FRK: variants seen among roughly 807,000 people sequenced by gnomAD.
FRK encodes the protein fyn related Src family tyrosine kinase.
A neutral mutation model predicts 56.4 loss-of-function variants in FRK; 51 were observed. The observed-to-expected ratio is 0.90, with a 90% CI of 0.72 to 1.14. FRK has a LOEUF of 1.14. Among genes scored for constraint, FRK ranks in the 50% most tolerant of loss-of-function variants. The pLI, the probability that FRK is intolerant of heterozygous loss-of-function variation, is 0.00. For synonymous variants in FRK, 245 were observed against 217.9 expected (o/e 1.12, Z -1.10); for missense variants, 570 against 601.4 (o/e 0.95, Z 0.55).
intron 1 of FRK, among the ~76,000 whole-genome samples, chr6:116,047,706 CTGA>C (rs1471296160): frequency 1.3e-5 from 2 of 152,210 alleles, no homozygotes; most frequent in Non-Finnish European, 2.9e-5. Context: ...GCTCAGTCAG[CTGA>C]TGAGTCAGCT....
At chr6:116,077,354 A>G in the FRK span, among the ~76,000 whole-genome samples, 27,112 of 152,140 alleles carry the variant, frequency 0.18, 2,889 homozygotes, top group African/African-American at 0.29. Flanking sequence ...ATGCACCCTA[A>G]GACACCAGCC....
chr6:116,042,883 G>C (rs537082002), intron 1 of FRK, among the ~76,000 whole-genome samples: 47 of 152,166 alleles, frequency 3.1e-4, no homozygotes, highest in African/African-American at 1.1e-3. Flanking sequence ...ACAAAGGAAT[G>C]GGGGAATATT....
Position 115,969,218 on chromosome 6 carries a change from C to T in FRK, c.467-479G>A, listed in dbSNP as rs535212000. 3.3e-5 allele frequency among the ~76,000 whole-genome samples: 5 copies of T among 152,238 alleles called. No homozygotes were observed. The South Asian group carries it at 1.0e-3, about 32-fold the overall frequency. On this transcript the variant is annotated intron_variant, in intron 2 of 7. Coordinates refer to ENST00000606080, the MANE Select transcript of FRK (RefSeq NM_002031.3). ...TTGGAAATAAACAGTGTGCTCAATA[C>T]CGTCTTACAATAATGCATGAAATTC...
chr6:116,060,034 C>G lies in FRK; in HGVS notation c.278G>C (p.Ser93Thr), dbSNP rs1018936981. Residue 93 changes from serine to threonine, a missense_variant, in exon 1 of 8, where the codon AGT becomes ACT. By Grantham distance (58) the Ser-to-Thr change is moderately conservative. Transcript: ENST00000606080. ...RHLEKRRDGSSQQLQGYIPSN... is the reference protein window; with the variant it reads ...RHLEKRRDGSTQQLQGYIPSN... Reference sequence around the variant, plus strand: ...AGGAATATAGCCTTGTAGTTGCTGACTGGAGCCATCTCGTCTTTTCTCCAA... The same window carrying G: ...AGGAATATAGCCTTGTAGTTGCTGAGTGGAGCCATCTCGTCTTTTCTCCAA... 3.1e-6 allele frequency: 5 copies of G among 1,614,104 alleles called. No individual in the cohort carries two copies. The highest frequency in any genetic ancestry group is 3.3e-5 in the Admixed American group (2 of 60,008).
At chr6:115,956,953 G>A (rs1773021822) in intron 4 of FRK, among the ~76,000 whole-genome samples, 1 of 152,168 alleles carries the variant, frequency 6.6e-6, no homozygotes, top group Non-Finnish European at 1.5e-5. Context: ...ATGAACACGA[G>A]CGCTGAAGGT....
At chr6:115,987,073 G>A (rs1774424518) in intron 2 of FRK, among the ~76,000 whole-genome samples, 1 of 152,058 alleles carries the variant, frequency 6.6e-6, no homozygotes, top group East Asian at 1.9e-4. Context: ...GGCCATGGAT[G>A]CCAAGCTACA....
rs971278438 is a variant in FRK, at chr6:115,954,017, G to A, written c.958+2435C>T. On this transcript the variant is annotated intron_variant, in intron 5 of 7. Coordinates refer to ENST00000606080, the MANE Select transcript of FRK (RefSeq NM_002031.3). ...GCAAGGGAAGAGGAATACTTTAAGAGTCAGTAGAAAGAGATTAAATTTTAA... is the reference window on the plus strand; with the variant it reads ...GCAAGGGAAGAGGAATACTTTAAGAATCAGTAGAAAGAGATTAAATTTTAA... Among the ~76,000 whole-genome samples the A allele has an allele frequency of 3.9e-5, 6 of 152,180 alleles. No homozygotes were observed. The South Asian group carries it at 1.0e-3, about 26-fold the overall frequency.
intron 1 of FRK, among the ~76,000 whole-genome samples, chr6:116,005,653 C>G (rs1775220540): frequency 6.6e-6 from 1 of 152,042 alleles, no homozygotes; most frequent in Non-Finnish European, 1.5e-5. Context: ...GTAACTGAAA[C>G]CATGGAAGTC....
rs1262242910 is a variant in FRK at position 115,958,398 on chromosome 6, A to G, written c.800-1788T>C. ...TCCCAGAACTTTGGGAGGCCAAGGC[A>G]GGCGGATAACTTGAGGTCAGGAGTT... On this transcript the variant is annotated intron_variant, in intron 4 of 7. Coordinates refer to ENST00000606080, the MANE Select transcript of FRK (RefSeq NM_002031.3). Among the ~76,000 whole-genome samples the G allele has an allele frequency of 2.4e-4, 36 of 152,100 alleles. 1 individual carries two copies. Among genetic ancestry groups the G allele is most frequent in the Non-Finnish European group, 2.9e-5 (2 of 68,012 alleles).
At chr6:115,961,196 T>C (rs1296420908) in intron 4 of FRK, among the ~76,000 whole-genome samples, 726 of 82,060 alleles carry the variant, frequency 8.8e-3, no homozygotes, top group Non-Finnish European at 0.014. Flanking sequence ...AGAGAAGTGC[T>C]TAAAGGAGCT....
At chr6:116,036,884 T>C (rs1021167765) in intron 1 of FRK, among the ~76,000 whole-genome samples, 1 of 152,146 alleles carries the variant, frequency 6.6e-6, no homozygotes, top group African/African-American at 2.4e-5. Flanking sequence ...CTAATCCAAG[T>C]TCAATTATGT....
rs141764578 is a variant in FRK at position 115,994,741 on chromosome 6, G to C, written c.466+9136C>G. ...TTAAATTTAAATGAGAACATGAGGG[G>C]TGGAGCCTCCATAATGGGATTAATG... On this transcript the variant is annotated intron_variant, in intron 2 of 7. Coordinates refer to ENST00000606080, the MANE Select transcript of FRK (RefSeq NM_002031.3). Among the ~76,000 whole-genome samples, 383 of 152,174 alleles carry C rather than the reference G, an allele frequency of 2.5e-3. 2 individuals are homozygous for C. The highest frequency in any genetic ancestry group is 8.9e-3 in the African/African-American group (368 of 41,542).
chr6:116,023,863 T>A (rs1017265846), intron 1 of FRK, among the ~76,000 whole-genome samples: 8 of 152,188 alleles, frequency 5.3e-5, no homozygotes, highest in Non-Finnish European at 1.0e-4. Flanking sequence ...AAATCTGTTA[T>A]TTTACTGTGT....
chr6:116,004,206 A>G (rs1454926737), intron 1 of FRK, among the ~76,000 whole-genome samples: 3 of 152,182 alleles, frequency 2.0e-5, no homozygotes, highest in Non-Finnish European at 4.4e-5. Context: ...TTTTACCTAC[A>G]AAGCAGGAAT....
chr6:116,058,828 G>A lies in FRK; in HGVS notation c.344+1140C>T, dbSNP rs192469139. Among the ~76,000 whole-genome samples, 884 of 150,304 alleles carry A rather than the reference G, an allele frequency of 5.9e-3. 3 individuals are homozygous for A. The highest frequency in any genetic ancestry group is 9.0e-3 in the Non-Finnish European group (609 of 67,698). ...TGGAAGGCTGAGGCAGGAGAATGGC[G>A]TGAACCCGGGAGGCGGAGCTTGCAG... On this transcript the variant is annotated intron_variant, in intron 1 of 7. Transcript: ENST00000606080.
the FRK span, among the ~76,000 whole-genome samples, chr6:116,097,444 A>C: frequency 1.3e-5 from 2 of 152,204 alleles, no homozygotes; most frequent in Admixed American, 6.5e-5. Context: ...ATGAAAAAAG[A>C]AACAGGCCAT....
intron 2 of FRK, among the ~76,000 whole-genome samples, chr6:116,001,437 T>TG (rs1188815636): frequency 1.3e-5 from 2 of 152,178 alleles, no homozygotes; most frequent in Non-Finnish European, 2.9e-5. Flanking sequence ...GGATCCCAAG[T>TG]GGCTAACTGG....
chr6:116,074,188 A>T, the FRK span, among the ~76,000 whole-genome samples: 1 of 152,248 alleles, frequency 6.6e-6, no homozygotes, highest in Non-Finnish European at 1.5e-5. Context: ...TAATACTGTT[A>T]TATCCTAAAG....
chr6:116,099,523 A>G, the FRK span, among the ~76,000 whole-genome samples: 6 of 152,354 alleles, frequency 3.9e-5, no homozygotes, highest in Middle Eastern at 3.4e-3. Flanking sequence ...GTTCACAGAC[A>G]TTGAAAACAT....
Sources: allele counts gnomAD v4.1 joint callset (sites outside exome capture counted in the v4.1 genomes callset), GRCh38; gene constraint gnomAD v4.1.1; transcripts MANE v1.5; gene names NCBI Gene and HGNC (gene_info 2026-07-23, HGNC 2026-07-21).